The following LRRC4C variants were observed in gnomAD, a reference collection of about 807,000 sequenced individuals.
LRRC4C encodes leucine-rich repeat-containing protein 4C.
Under a neutral mutation model 33.6 loss-of-function variants are expected in LRRC4C, and 5 were observed. That is an observed-to-expected ratio of 0.15 (90% CI 0.08 to 0.31). LRRC4C has a LOEUF of 0.31. Among genes scored for constraint, LRRC4C ranks in the 10% least tolerant of loss-of-function variants. The pLI, the probability that LRRC4C is intolerant of heterozygous loss-of-function variation, is 1.00. For synonymous variants in LRRC4C, 329 were observed against 302.0 expected (o/e 1.09, Z -0.93); for missense variants, 560 against 796.7 (o/e 0.70, Z 3.58).
intron 1 of LRRC4C, among the ~76,000 whole-genome samples, chr11:41,225,842 G>C (rs1469144939): frequency 6.6e-6 from 1 of 152,070 alleles, no homozygotes; most frequent in African/African-American, 2.4e-5. Flanking sequence ...CTGAGAGCCT[G>C]GGTACTGCAG....
intron 1 of LRRC4C, among the ~76,000 whole-genome samples, chr11:41,084,117 A>C (rs117966163): frequency 0.023 from 3,523 of 152,316 alleles, 64 homozygotes; most frequent in Non-Finnish European, 0.036. Flanking sequence ...GGAAAAGAAC[A>C]TTGCCAGTGT....
intron 3 of LRRC4C, among the ~76,000 whole-genome samples, chr11:40,512,989 C>A (rs994494456): frequency 1.3e-4 from 20 of 152,064 alleles, no homozygotes; most frequent in Middle Eastern, 3.2e-3. Flanking sequence ...GTGGCTCATG[C>A]CTGTAATCCC....
intron 1 of LRRC4C, among the ~76,000 whole-genome samples, chr11:40,941,481 A>T (rs1592145016): frequency 6.6e-6 from 1 of 152,278 alleles, no homozygotes; most frequent in East Asian, 1.9e-4. Flanking sequence ...TGAGATTTCA[A>T]GATTTCATGT....
intron 5 of LRRC4C, among the ~76,000 whole-genome samples, chr11:40,147,725 T>C (rs1857861062): frequency 6.6e-6 from 1 of 152,082 alleles, no homozygotes; most frequent in East Asian, 1.9e-4. Flanking sequence ...GAGAGGAAAC[T>C]TTATTTTTTC....
intron 1 of LRRC4C, among the ~76,000 whole-genome samples, chr11:41,349,825 T>C (rs1310048605): frequency 6.6e-6 from 1 of 152,202 alleles, no homozygotes; most frequent in Non-Finnish European, 1.5e-5. Flanking sequence ...CTTTGAAATA[T>C]TTAAAAGTAT....
At chr11:41,233,123 T>C (rs1255461176) in intron 1 of LRRC4C, among the ~76,000 whole-genome samples, 2 of 152,080 alleles carry the variant, frequency 1.3e-5, no homozygotes, top group South Asian at 2.1e-4. Context: ...ATTTTCAGAA[T>C]GTGGTAAATA....
intron 2 of LRRC4C, among the ~76,000 whole-genome samples, chr11:40,825,949 G>GC (rs745366383): frequency 1.5e-5 from 1 of 65,578 alleles, no homozygotes; most frequent in African/African-American, 3.9e-5. Flanking sequence ...CTGGGGGGGG[G>GC]GCGTCTCACA....
At chr11:40,897,190 G>C (rs1358024876) in intron 2 of LRRC4C, among the ~76,000 whole-genome samples, 1 of 152,178 alleles carries the variant, frequency 6.6e-6, no homozygotes, top group African/African-American at 2.4e-5. Flanking sequence ...GCATTTAGAT[G>C]ATGAGAAAGA....
intron 1 of LRRC4C, among the ~76,000 whole-genome samples, chr11:41,270,290 T>C (rs1949279992): frequency 6.6e-6 from 1 of 152,118 alleles, no homozygotes; most frequent in African/African-American, 2.4e-5. Context: ...ACTATAGCAA[T>C]TTTGCAGGTA....
intron 1 of LRRC4C, among the ~76,000 whole-genome samples, chr11:41,202,550 C>G (rs952823998): frequency 5.3e-5 from 8 of 152,034 alleles, no homozygotes; most frequent in East Asian, 1.9e-4. Context: ...ATAAAGAAAA[C>G]TCTTTTATTC....
At chr11:40,914,466 G>A (rs375498698) in intron 2 of LRRC4C, among the ~76,000 whole-genome samples, 2 of 152,034 alleles carry the variant, frequency 1.3e-5, no homozygotes, top group Admixed American at 6.6e-5. Context: ...ATCTCAATAG[G>A]TGCAGACAAG....
intron 4 of LRRC4C, chr11:40,294,131 C>T (rs992469730): frequency 3.9e-5 from 6 of 152,592 alleles, no homozygotes; most frequent in Non-Finnish European, 1.5e-5. Flanking sequence ...TTTCCTTTCC[C>T]TTTCTCTGCT....
At chr11:40,223,634 C>T (rs1864576115) in intron 5 of LRRC4C, among the ~76,000 whole-genome samples, 1 of 152,124 alleles carries the variant, frequency 6.6e-6, no homozygotes, top group Admixed American at 6.6e-5. Flanking sequence ...TCAAAATTGC[C>T]TTTCTCATTT....
intron 3 of LRRC4C, among the ~76,000 whole-genome samples, chr11:40,368,170 T>A (rs1023340825): frequency 6.6e-6 from 1 of 152,086 alleles, no homozygotes; most frequent in African/African-American, 2.4e-5. Context: ...AATAAATAAT[T>A]TTAAATCATA....
At chr11:41,273,458 T>C (rs1949382670) in intron 1 of LRRC4C, among the ~76,000 whole-genome samples, 1 of 152,162 alleles carries the variant, frequency 6.6e-6, no homozygotes, top group Non-Finnish European at 1.5e-5. Flanking sequence ...TGGAAGAACC[T>C]AGAGGGCGTT....
At chr11:40,958,056 T>C (rs994122506) in intron 1 of LRRC4C, among the ~76,000 whole-genome samples, 2 of 151,564 alleles carry the variant, frequency 1.3e-5, no homozygotes, top group Non-Finnish European at 3.0e-5. Context: ...GCTCATCCCT[T>C]CTACCAAATG....
At chr11:40,442,503 A>T (rs889959658) in intron 3 of LRRC4C, among the ~76,000 whole-genome samples, 1 of 152,168 alleles carries the variant, frequency 6.6e-6, no homozygotes, top group African/African-American at 2.4e-5. Flanking sequence ...AAATGCTAGG[A>T]TAGAGATAAG....
intron 1 of LRRC4C, among the ~76,000 whole-genome samples, chr11:41,023,168 T>C (rs915833461): frequency 3.3e-5 from 5 of 151,976 alleles, no homozygotes; most frequent in Middle Eastern, 3.4e-3. Context: ...CTTTTACTGG[T>C]TCTACAAATG....
intron 5 of LRRC4C, among the ~76,000 whole-genome samples, chr11:40,158,435 A>G (rs927787771): frequency 6.6e-6 from 1 of 152,180 alleles, no homozygotes; most frequent in Non-Finnish European, 1.5e-5. Flanking sequence ...AATTACATTT[A>G]TCTGTGACTA....
Sources: gnomAD v4.1 joint callset for allele counts (sites outside exome capture counted in the v4.1 genomes callset) on GRCh38, gnomAD v4.1.1 for gene constraint, MANE v1.5 for transcripts, NCBI Gene and HGNC (gene_info 2026-07-23, HGNC 2026-07-21) for gene names.